Variants in GPATCH8 observed in about 807,000 individuals in gnomAD.
GPATCH8 encodes the protein G patch domain-containing protein 8.
In GPATCH8, 18 loss-of-function variants were observed where a neutral mutation model predicts 118.3. The ratio of observed to expected loss-of-function variants is 0.15; its 90% CI spans 0.11 to 0.23. GPATCH8 has a LOEUF of 0.23. Ranked by LOEUF, GPATCH8 falls within the 10% of genes least tolerant of loss-of-function variation. The pLI is 1.00. For missense variants in GPATCH8, 1,631 were observed against 1,873.8 expected (o/e 0.87, Z 2.39); for synonymous variants, 659 against 684.7 (o/e 0.96, Z 0.59).
chr17:44,448,855 C>A (rs967695514), intron 3 of GPATCH8, among the ~76,000 whole-genome samples: 6 of 151,466 alleles, frequency 4.0e-5, no homozygotes, highest in Admixed American at 6.6e-5. Context: ...AAAAAACTGT[C>A]CACCCTATTT....
chr17:44,446,426 C>T (rs986439429), intron 3 of GPATCH8, among the ~76,000 whole-genome samples: 18 of 152,050 alleles, frequency 1.2e-4, no homozygotes, highest in Non-Finnish European at 1.6e-4. Context: ...ATTAGCCAGG[C>T]GTGTGGCAGG....
At chr17:44,477,739 A>G (rs1358938385) in intron 1 of GPATCH8, among the ~76,000 whole-genome samples, 2 of 151,774 alleles carry the variant, frequency 1.3e-5, no homozygotes, top group South Asian at 2.1e-4. Flanking sequence ...TGGGTATTTC[A>G]GGAATGAAAA....
intron 1 of GPATCH8, among the ~76,000 whole-genome samples, chr17:44,479,181 G>C (rs1363385698): frequency 6.6e-6 from 1 of 152,146 alleles, no homozygotes; most frequent in Admixed American, 6.6e-5. Context: ...AACCATTTCA[G>C]CTCATCCTTG....
intron 3 of GPATCH8, among the ~76,000 whole-genome samples, chr17:44,459,616 ATTT>A (rs2144258823): frequency 6.6e-6 from 1 of 152,256 alleles, no homozygotes; most frequent in Non-Finnish European, 1.5e-5. Context: ...GGTTGAAACA[ATTT>A]TTTAATTAAA....
chr17:44,452,537 G>C (rs2144191981), intron 3 of GPATCH8, among the ~76,000 whole-genome samples: 1 of 152,120 alleles, frequency 6.6e-6, no homozygotes, highest in African/African-American at 2.4e-5. Flanking sequence ...TGTTTTATCA[G>C]CCTTCATAGT....
At chr17:44,450,558 G>T (rs1256366224) in intron 3 of GPATCH8, among the ~76,000 whole-genome samples, 2 of 146,816 alleles carry the variant, frequency 1.4e-5, no homozygotes, top group African/African-American at 5.1e-5. Flanking sequence ...GGAAATACTG[G>T]ATTTAAAACT....
At chr17:44,488,056 G>T (rs1208461831) in intron 1 of GPATCH8, among the ~76,000 whole-genome samples, 2 of 147,678 alleles carry the variant, frequency 1.4e-5, no homozygotes, top group African/African-American at 5.0e-5. Flanking sequence ...CCAAGTAGCT[G>T]GGACTACAGG....
At chr17:44,429,671 C>CAA (rs1436252283) in intron 5 of GPATCH8, among the ~76,000 whole-genome samples, 1 of 150,686 alleles carries the variant, frequency 6.6e-6, no homozygotes, top group African/African-American at 2.5e-5. Flanking sequence ...CACACACACA[C>CAA]ACACACACAC....
intron 1 of GPATCH8, 73 bp downstream of exon 1, chr17:44,503,253 G>C (rs1970230888): frequency 7.6e-7 from 1 of 1,321,586 alleles, no homozygotes; most frequent in African/African-American, 1.5e-5. Flanking sequence ...AAAGAGGGCT[G>C]GGAGCCGGAG....
chr17:44,462,710 C>T (rs543213906), intron 3 of GPATCH8, among the ~76,000 whole-genome samples: 4 of 152,228 alleles, frequency 2.6e-5, no homozygotes, highest in East Asian at 1.9e-4. Flanking sequence ...TGGCCAGGCG[C>T]GGTGGCTCAC....
At chr17:44,457,728 G>A (rs2051387404) in intron 3 of GPATCH8, among the ~76,000 whole-genome samples, 5 of 152,136 alleles carry the variant, frequency 3.3e-5, no homozygotes, top group Non-Finnish European at 7.4e-5. Context: ...GAGCCCAGGA[G>A]TTCGAGACCA....
chr17:44,399,240 G>C lies in GPATCH8; in HGVS notation c.2837C>G (p.Ser946Cys). 2 of 1,614,096 alleles carry C rather than the reference G, an allele frequency of 1.2e-6. No homozygotes were observed. The highest frequency in any genetic ancestry group is 1.7e-6 in the Non-Finnish European group (2 of 1,179,974). The change falls in exon 8 of 8, where the codon TCT becomes TGT. Residue 946 changes from serine (S) to cysteine (C), a missense_variant. Around this residue, in one of 8 missense-constraint regions of GPATCH8, gnomAD observed 922 missense variants for 879.7 expected, o/e 1.05. Transcript: ENST00000591680. ...SLSCSQSRSR[S>C]RSHTRERSRS... is the part of the protein sequence containing the mutation. ...TGAGCGCTCTCTGGTATGACTCCGA[G>C]ATCGGCTTCGGGACTGGCTGCAACT...
chr17:44,424,997 T>G (rs2050039965), intron 5 of GPATCH8, among the ~76,000 whole-genome samples: 1 of 146,804 alleles, frequency 6.8e-6, no homozygotes, highest in Non-Finnish European at 1.5e-5. Context: ...TGTGGGACTC[T>G]TACATGTGAG....
chr17:44,429,297 G>A (rs2050206005), intron 5 of GPATCH8, among the ~76,000 whole-genome samples: 1 of 152,254 alleles, frequency 6.6e-6, no homozygotes, highest in Middle Eastern at 3.4e-3. Flanking sequence ...CCATGAATCT[G>A]AAGCTGCAGA....
At chr17:44,456,466 A>G (rs1407680642) in intron 3 of GPATCH8, among the ~76,000 whole-genome samples, 1 of 151,996 alleles carries the variant, frequency 6.6e-6, no homozygotes, top group Non-Finnish European at 1.5e-5. Flanking sequence ...TAAAGCCTAA[A>G]TTGTAACATT....
chr17:44,430,587 G>GAAAGCTTCTCTAT, intron 5 of GPATCH8, among the ~76,000 whole-genome samples: 1 of 151,738 alleles, frequency 6.6e-6, no homozygotes, highest in Admixed American at 6.6e-5. Context: ...TCATAATGGT[G>GAAAGCTTCTCTAT]AAAGACTGAA....
At chr17:44,472,589 G>GT (rs1195020040) in intron 2 of GPATCH8, among the ~76,000 whole-genome samples, 2 of 152,194 alleles carry the variant, frequency 1.3e-5, no homozygotes, top group Non-Finnish European at 2.9e-5. Flanking sequence ...TATAGCTTGT[G>GT]TAAGACAATT....
intron 1 of GPATCH8, among the ~76,000 whole-genome samples, chr17:44,492,631 G>T (rs548080854): frequency 1.6e-4 from 24 of 152,128 alleles, no homozygotes; most frequent in African/African-American, 5.8e-4. Flanking sequence ...ACCTAGTTTG[G>T]AGAGTTACTT....
At chr17:44,468,802 T>G (rs1199974515) in intron 2 of GPATCH8, among the ~76,000 whole-genome samples, 1 of 152,102 alleles carries the variant, frequency 6.6e-6, no homozygotes, top group African/African-American at 2.4e-5. Flanking sequence ...TCTTCTAAAG[T>G]CAACTTGATA....
Sources: allele counts gnomAD v4.1 joint callset (sites outside exome capture counted in the v4.1 genomes callset), GRCh38; gene constraint gnomAD v4.1.1; regional missense constraint gnomAD v4.1.1; transcripts MANE v1.5; gene names NCBI Gene and HGNC (gene_info 2026-07-23, HGNC 2026-07-21).